The following TTLL5 variants were observed in gnomAD, a reference collection of about 807,000 sequenced individuals.
TTLL5 encodes tubulin tyrosine ligase like 5.
TTLL5 carries 132 observed loss-of-function variants against 168.4 expected under a neutral mutation model. That is an observed-to-expected ratio of 0.78 (90% CI 0.68 to 0.91). TTLL5 has a LOEUF of 0.91. Ranked by LOEUF, TTLL5 falls within the 40% of genes least tolerant of loss-of-function variation. The pLI, the probability that TTLL5 is intolerant of heterozygous loss-of-function variation, is 0.00. For missense variants in TTLL5, 1,545 were observed against 1,581.5 expected (o/e 0.98, Z 0.39); for synonymous variants, 546 against 558.6 (o/e 0.98, Z 0.32).
chr14:75,667,461 T>A (rs998696877), intron 2 of TTLL5, among the ~76,000 whole-genome samples: 2 of 152,142 alleles, frequency 1.3e-5, no homozygotes, highest in African/African-American at 4.8e-5. Flanking sequence ...ATGCCCACAT[T>A]TTACAGGTGT....
At chr14:75,763,253 C>CTGTGTG (rs202149877) in intron 18 of TTLL5, among the ~76,000 whole-genome samples, 104 of 145,486 alleles carry the variant, frequency 7.1e-4, no homozygotes, top group Middle Eastern at 7.1e-3. Flanking sequence ...ATAGCTCTCT[C>CTGTGTG]TCTGTGTGTG....
chr14:75,712,645 A>G (rs569420074), intron 9 of TTLL5: 1 of 151,962 alleles, frequency 6.6e-6, no homozygotes, highest in South Asian at 2.1e-4. Context: ...TCTTGGAGCA[A>G]GCAACTCCAG....
rs570191684 is a variant in TTLL5 at position 75,822,952 on chromosome 14, C to T, written c.3326+2791C>T. The stretch of plus-strand genomic sequence containing the variant: ...GTTCCCTAGACACTCTGGAGTTGGA[C>T]TTGGCCAGCCATCCCTCTGTTGTTA... On this transcript the variant is annotated intron_variant, in intron 28 of 31. Coordinates refer to ENST00000298832, the MANE Select transcript of TTLL5 (RefSeq NM_015072.5). Among the ~76,000 whole-genome samples, 5 of 152,302 alleles carry T rather than the reference C, an allele frequency of 3.3e-5. No homozygotes were observed. The South Asian group carries it at 6.2e-4, about 19-fold the overall frequency.
chr14:75,732,593 A>G (rs1311093721), intron 13 of TTLL5, among the ~76,000 whole-genome samples, 174 bp downstream of exon 13: 2 of 152,284 alleles, frequency 1.3e-5, no homozygotes, highest in Admixed American at 6.5e-5. Flanking sequence ...CAAAGTGCAT[A>G]TGACAACCAT....
chr14:75,830,381 A>T (rs1895492374), intron 28 of TTLL5, among the ~76,000 whole-genome samples: 1 of 152,200 alleles, frequency 6.6e-6, no homozygotes, highest in Admixed American at 6.5e-5. Context: ...CAACATGGTG[A>T]CTATAATTAA....
chr14:75,935,358 C>T (rs1446564329), intron 31 of TTLL5, among the ~76,000 whole-genome samples: 2 of 152,196 alleles, frequency 1.3e-5, no homozygotes, highest in African/African-American at 4.8e-5. Flanking sequence ...ATAACATCTC[C>T]ACGTATTCAG....
chr14:75,719,348 G>C (rs556402459), intron 10 of TTLL5, among the ~76,000 whole-genome samples: 1 of 152,320 alleles, frequency 6.6e-6, no homozygotes, highest in East Asian at 1.9e-4. Flanking sequence ...AATGGCATCA[G>C]AGGTTGTTTT....
At chr14:75,709,234 G>A in intron 9 of TTLL5, 1 of 761,148 alleles carries the variant, frequency 1.3e-6, no homozygotes, top group Non-Finnish European at 2.4e-6. Flanking sequence ...ACCTATTTAT[G>A]TACAGGTGCT....
chr14:75,757,544 G>A (rs542147578), intron 18 of TTLL5, among the ~76,000 whole-genome samples: 37 of 152,286 alleles, frequency 2.4e-4, no homozygotes, highest in African/African-American at 8.2e-4. Flanking sequence ...TGATGAATAA[G>A]CAGTTTGCTT....
rs912360648 is a variant in TTLL5, at chr14:75,729,147, A to G, written c.1043-3191A>G. ...AAGGAAATATTTCTTACTAAGGAAA[A>G]TTGTCCTGGGGAAATGTTCCATAAG... On this transcript the variant is annotated intron_variant, in intron 12 of 31. Coordinates refer to ENST00000298832, the MANE Select transcript of TTLL5 (RefSeq NM_015072.5). Among the ~76,000 whole-genome samples the G allele has an allele frequency of 6.6e-5, 10 of 152,172 alleles. 1 individual carries two copies. The East Asian group carries it at 1.7e-3, about 26-fold the overall frequency.
At chr14:75,765,605 G>A (rs1380857202) in intron 19 of TTLL5, among the ~76,000 whole-genome samples, 2 of 152,164 alleles carry the variant, frequency 1.3e-5, no homozygotes, top group Non-Finnish European at 2.9e-5. Flanking sequence ...CCTCATGCCT[G>A]TAATCCCAGC....
At chr14:75,705,955 G>T (rs1886629615) in intron 7 of TTLL5, among the ~76,000 whole-genome samples, 1 of 151,420 alleles carries the variant, frequency 6.6e-6, no homozygotes, top group Non-Finnish European at 1.5e-5. Context: ...AACTCCCTTT[G>T]CCAGGGGTTC....
At chr14:75,765,223 A>C (rs1177397815) in intron 19 of TTLL5, among the ~76,000 whole-genome samples, 2 of 152,080 alleles carry the variant, frequency 1.3e-5, no homozygotes, top group Non-Finnish European at 2.9e-5. Flanking sequence ...TGATATACTG[A>C]TTTCCTTTTT....
At chr14:75,863,926 A>AAAAAAAAAAAAAAAAAAAAG (rs1325156608) in intron 29 of TTLL5, 64 bp downstream of exon 29, 20 of 1,257,764 alleles carry the variant, frequency 1.6e-5, no homozygotes, top group Admixed American at 9.7e-5. Flanking sequence ...AAAAAAAAAA[A>AAAAAAAAAAAAAAAAAAAAG]AAAAAAAAGG....
intron 7 of TTLL5, among the ~76,000 whole-genome samples, chr14:75,706,805 T>G (rs1886689152): frequency 6.6e-6 from 1 of 151,996 alleles, no homozygotes; most frequent in Admixed American, 6.6e-5. Context: ...ACTGTGTAAA[T>G]TTATTTTTCC....
intron 31 of TTLL5, among the ~76,000 whole-genome samples, chr14:75,932,430 T>TA (rs1373263012): frequency 6.6e-6 from 1 of 152,236 alleles, no homozygotes; most frequent in African/African-American, 2.4e-5. Context: ...TGTCCATACT[T>TA]ATGAATTCAC....
At chr14:75,682,201 A>C (rs1022998137) in intron 4 of TTLL5, among the ~76,000 whole-genome samples, 7 of 151,758 alleles carry the variant, frequency 4.6e-5, no homozygotes, top group South Asian at 2.1e-4. Context: ...AAAAAAAAAA[A>C]AAAAACAAAC....
chr14:75,751,135 C>T (rs1255364007), intron 17 of TTLL5, among the ~76,000 whole-genome samples: 2 of 152,202 alleles, frequency 1.3e-5, no homozygotes, highest in Admixed American at 1.3e-4. Flanking sequence ...TTGCTCACGT[C>T]TTCCACCCCA....
At chr14:75,874,354 A>C (rs1054224149) in intron 29 of TTLL5, among the ~76,000 whole-genome samples, 2 of 152,170 alleles carry the variant, frequency 1.3e-5, no homozygotes, top group African/African-American at 4.8e-5. Context: ...GGCCTCCCAA[A>C]GTGCTGGGAT....
Sources: gnomAD v4.1 joint callset for allele counts (sites outside exome capture counted in the v4.1 genomes callset) on GRCh38, gnomAD v4.1.1 for gene constraint, MANE v1.5 for transcripts, NCBI Gene and HGNC (gene_info 2026-07-23, HGNC 2026-07-21) for gene names.